The following HNRNPC variants were observed in gnomAD, a reference collection of about 807,000 sequenced individuals.
HNRNPC encodes the protein heterogeneous nuclear ribonucleoprotein C.
Under a neutral mutation model 33.2 loss-of-function variants are expected in HNRNPC, and 3 were observed. That is an observed-to-expected ratio of 0.09 (90% CI 0.04 to 0.23). HNRNPC has a LOEUF of 0.23. Ranked by LOEUF, HNRNPC falls within the 10% of genes least tolerant of loss-of-function variation. The pLI, the probability that HNRNPC is intolerant of heterozygous loss-of-function variation, is 1.00. For missense variants in HNRNPC, 143 were observed against 366.7 expected, an observed-to-expected ratio of 0.39 and a Z score of 4.98; for synonymous variants, 121 against 126.7, an observed-to-expected ratio of 0.96 and a Z score of 0.30.
chr14:21,234,384 T>A (rs1894440213), intron 2 of HNRNPC, 155 bp from the exon 3 acceptor site: 1 of 568,030 alleles, frequency 1.8e-6, no homozygotes, highest in African/African-American at 1.9e-5. Flanking sequence ...TTGCTAATAA[T>A]TTCAGAGACT....
At position 21,258,416 on chromosome 14, in the gene HNRNPC, A is replaced by G. The variant is rs549081510; in HGVS notation, c.-37+4895T>C. On this transcript the variant is annotated intron_variant, in intron 2 of 8. Transcript: ENST00000553300. The stretch of plus-strand genomic sequence containing the variant: ...AAAAAAAAAAAAAGTTCAACATATC[A>G]AAGTGACGAAAGGAGTCTACTATCA... 3.0e-4 allele frequency among the ~76,000 whole-genome samples: 45 copies of G among 152,212 alleles called. No homozygotes were observed. The South Asian group carries it at 4.8e-3, about 16-fold the overall frequency.
intron 5 of HNRNPC, among the ~76,000 whole-genome samples, chr14:21,218,819 G>GAA (rs926811643): frequency 6.8e-6 from 1 of 148,024 alleles, no homozygotes; most frequent in Non-Finnish European, 1.5e-5. Flanking sequence ...GTGAGACAAA[G>GAA]AAAAAAAAAT....
chr14:21,248,993 C>T (rs1159360403), intron 2 of HNRNPC, among the ~76,000 whole-genome samples: 3 of 152,096 alleles, frequency 2.0e-5, no homozygotes, highest in African/African-American at 4.8e-5. Flanking sequence ...GTGACATTGA[C>T]GTGGAGGAGC....
chr14:21,243,619 A>T (rs763072899), intron 2 of HNRNPC, among the ~76,000 whole-genome samples: 11 of 152,220 alleles, frequency 7.2e-5, no homozygotes, highest in Non-Finnish European at 1.6e-4. Context: ...CCATTGTTTT[A>T]ACTAACTAAA....
At chr14:21,260,580 AG>A in intron 2 of HNRNPC, among the ~76,000 whole-genome samples, 1 of 152,038 alleles carries the variant, frequency 6.6e-6, no homozygotes, top group East Asian at 1.9e-4. Flanking sequence ...AAACTTCAGG[AG>A]GCTGAGGCGG....
intron 5 of HNRNPC, among the ~76,000 whole-genome samples, chr14:21,225,725 C>T (rs1893346700): frequency 6.6e-6 from 1 of 152,006 alleles, no homozygotes; most frequent in Non-Finnish European, 1.5e-5. Flanking sequence ...ATTGTAATGT[C>T]GCATCCATTT....
intron 2 of HNRNPC, among the ~76,000 whole-genome samples, chr14:21,248,420 GCTTC>G (rs1183094036): frequency 2.6e-5 from 4 of 152,138 alleles, no homozygotes; most frequent in African/African-American, 7.2e-5. Context: ...TTGAAAATCA[GCTTC>G]CTTATCTGTA....
intron 1 of HNRNPC, among the ~76,000 whole-genome samples, chr14:21,268,001 G>T (rs1162010498): frequency 6.6e-6 from 1 of 152,100 alleles, no homozygotes; most frequent in African/African-American, 2.4e-5. Context: ...CTATCAAATA[G>T]ATTGCCTTAC....
At chr14:21,259,882 C>CA (rs5807071) in intron 2 of HNRNPC, among the ~76,000 whole-genome samples, 81,421 of 132,776 alleles carry the variant, frequency 0.61, 25,298 homozygotes, top group East Asian at 0.7. Context: ...CTGTCTCCAC[C>CA]AAAAAAAAAA....
rs1892167716 is a variant in HNRNPC at position 21,216,160 on chromosome 14, C to G, written c.366-3043G>C. Reference sequence around the variant, plus strand: ...AAAAAAAGACAAAGAATGTCTACCCCAATTCCAAAGTAAAAGCATTACAAG... The same window carrying G: ...AAAAAAAGACAAAGAATGTCTACCCGAATTCCAAAGTAAAAGCATTACAAG... On this transcript the variant is annotated intron_variant, in intron 5 of 8. Transcript: ENST00000553300. 2.0e-5 allele frequency among the ~76,000 whole-genome samples: 3 copies of G among 150,752 alleles called. No homozygotes were observed. The South Asian group carries it at 6.3e-4, about 31-fold the overall frequency.
chr14:21,249,860 T>A (rs1440476351), intron 2 of HNRNPC, among the ~76,000 whole-genome samples: 1 of 152,162 alleles, frequency 6.6e-6, no homozygotes, highest in Non-Finnish European at 1.5e-5. Context: ...TCTGTAAGTA[T>A]CCAACAAACA....
chr14:21,245,522 C>A (rs1895884918), intron 2 of HNRNPC, among the ~76,000 whole-genome samples: 3 of 151,782 alleles, frequency 2.0e-5, no homozygotes, highest in Admixed American at 6.6e-5. Context: ...ATTTCAAAAA[C>A]GGTATACCTA....
intron 2 of HNRNPC, among the ~76,000 whole-genome samples, chr14:21,243,180 A>C (rs1221462651): frequency 6.6e-6 from 1 of 152,178 alleles, no homozygotes; most frequent in Non-Finnish European, 1.5e-5. Context: ...TTATCTAGAT[A>C]ATTTTACTAT....
At chr14:21,228,549 G>T (rs930750468) in intron 5 of HNRNPC, among the ~76,000 whole-genome samples, 1 of 151,820 alleles carries the variant, frequency 6.6e-6, no homozygotes, top group South Asian at 2.1e-4. Flanking sequence ...GTGCCACCAC[G>T]CCCAGCTAAT....
chr14:21,255,111 A>C (rs550172133), intron 2 of HNRNPC, among the ~76,000 whole-genome samples: 11 of 152,308 alleles, frequency 7.2e-5, no homozygotes, highest in African/African-American at 2.2e-4. Flanking sequence ...ATGCATTATG[A>C]ATAGTTTATC....
chr14:21,230,789 T>C (rs1894027835), intron 4 of HNRNPC: 3 of 550,656 alleles, frequency 5.4e-6, no homozygotes, highest in African/African-American at 1.9e-5. Flanking sequence ...TTTAATTCTC[T>C]AGAAATTTTC....
In HNRNPC at chr14:21,226,270, C is replaced by T. The variant is rs531581900; in HGVS notation, c.365+4049G>A. Among the ~76,000 whole-genome samples the T allele has an allele frequency of 3.2e-3, 479 of 149,008 alleles. 1 individual carries two copies. Among genetic ancestry groups the T allele is most frequent in the Non-Finnish European group, 5.2e-3 (350 of 67,588 alleles). ...CTGGGAGGCGGAGGTTGCAGTGAAC[C>T]GAGATCTGCACCACTGCACTCCAGC... On this transcript the variant is annotated intron_variant, in intron 5 of 8. Coordinates refer to ENST00000553300, the MANE Select transcript of HNRNPC (RefSeq NM_004500.4).
chr14:21,214,844 C>T (rs368116572), intron 5 of HNRNPC, among the ~76,000 whole-genome samples: 4 of 152,130 alleles, frequency 2.6e-5, no homozygotes, highest in African/African-American at 4.8e-5. Context: ...AATTGCTTAA[C>T]GACAATTTCT....
At chr14:21,218,750 A>T (rs2139512597) in intron 5 of HNRNPC, among the ~76,000 whole-genome samples, 1 of 147,202 alleles carries the variant, frequency 6.8e-6, no homozygotes, top group Non-Finnish European at 1.5e-5. Context: ...GTGTAATCCC[A>T]GCACTTTGGA....
Sources: allele counts gnomAD v4.1 joint callset (sites outside exome capture counted in the v4.1 genomes callset), GRCh38; gene constraint gnomAD v4.1.1; transcripts MANE v1.5; gene names NCBI Gene and HGNC (gene_info 2026-07-23, HGNC 2026-07-21).